Variants in TUSC3 observed in about 807,000 individuals in gnomAD.
TUSC3 encodes tumor suppressor candidate 3, also known as dolichyl-diphosphooligosaccharide--protein glycosyltransferase subunit TUSC3.
A neutral mutation model predicts 44.8 loss-of-function variants in TUSC3; 45 were observed. The ratio of observed to expected loss-of-function variants is 1.00; its 90% CI spans 0.79 to 1.29. The LOEUF (loss-of-function observed/expected upper bound fraction) is 1.29, where lower values mean the gene tolerates loss of function less well. TUSC3 is among the 50% of genes most tolerant of loss of function. The probability of loss-of-function intolerance (pLI) is 0.00; values close to 1 mark genes in which losing one functional copy is unlikely to be tolerated. For missense variants in TUSC3, 519 were observed against 437.9 expected, an observed-to-expected ratio of 1.19 and a Z score of -1.65; for synonymous variants, 212 against 152.9, an observed-to-expected ratio of 1.39 and a Z score of -2.85.
intron 2 of TUSC3, among the ~76,000 whole-genome samples, chr8:15,642,085 C>T (rs565454909): frequency 3.3e-5 from 5 of 152,256 alleles, no homozygotes; most frequent in Non-Finnish European, 7.4e-5. Context: ...AACATTTCTT[C>T]AGTGTTTAGC....
intron 1 of TUSC3, among the ~76,000 whole-genome samples, chr8:15,603,195 C>T (rs1469945580): frequency 6.6e-6 from 1 of 151,502 alleles, no homozygotes; most frequent in Non-Finnish European, 1.5e-5. Flanking sequence ...AAAGAGAACC[C>T]AATTGAAAAA....
intron 1 of TUSC3, among the ~76,000 whole-genome samples, chr8:15,455,830 T>C (rs1800250145): frequency 6.6e-6 from 1 of 152,186 alleles, no homozygotes; most frequent in South Asian, 2.1e-4. Flanking sequence ...AACTCAGCCA[T>C]TTTCATAAAG....
At chr8:15,839,442 C>T in the TUSC3 span, among the ~76,000 whole-genome samples, 82 of 151,870 alleles carry the variant, frequency 5.4e-4, no homozygotes, top group East Asian at 0.014. Flanking sequence ...ACAGGCAACC[C>T]ACAGAATGGG....
chr8:15,586,745 C>T (rs1365469489), intron 1 of TUSC3, among the ~76,000 whole-genome samples: 6 of 152,154 alleles, frequency 3.9e-5, no homozygotes, highest in Non-Finnish European at 8.8e-5. Context: ...TGTGTGGAGC[C>T]AGGGTTGATA....
In TUSC3 at chr8:15,472,947, C is replaced by T. The variant is rs188470283; in HGVS notation, n.92-10439C>T. On this transcript the variant is annotated intron_variant and non_coding_transcript_variant, in intron 1 of 5. Coordinates refer to the TUSC3 transcript ENST00000503191. ...GTCATTTTACAGCTAAGTAAATAGA[C>T]TCTCAGTGAGGTTATGCACCCTGCC... 5.4e-3 allele frequency among the ~76,000 whole-genome samples: 821 copies of T among 152,256 alleles called. 5 individuals carry two copies. The highest frequency in any genetic ancestry group is 7.8e-3 in the Non-Finnish European group (533 of 68,028).
At chr8:15,540,718 C>G in intron 1 of TUSC3, 150 bp downstream of exon 1, 2 of 1,139,154 alleles carry the variant, frequency 1.8e-6, no homozygotes, top group Non-Finnish European at 2.4e-6. Context: ...GTGGGAGGCC[C>G]TGGGGCGTTT....
At chr8:15,622,191 G>A (rs754345819) in intron 1 of TUSC3, among the ~76,000 whole-genome samples, 2 of 152,104 alleles carry the variant, frequency 1.3e-5, no homozygotes, top group Non-Finnish European at 2.9e-5. Flanking sequence ...AAAATGGCAG[G>A]CAGTTTCTTT....
chr8:15,837,992 G>A, the TUSC3 span, among the ~76,000 whole-genome samples: 1 of 152,174 alleles, frequency 6.6e-6, no homozygotes, highest in Admixed American at 6.6e-5. Context: ...CTGCAATCAT[G>A]ACTTACTATT....
intron 2 of TUSC3, among the ~76,000 whole-genome samples, chr8:15,649,892 A>G (rs1047180170): frequency 1.3e-5 from 2 of 152,188 alleles, no homozygotes; most frequent in Admixed American, 1.3e-4. Context: ...ACAGTCAACC[A>G]TACTGAAGAA....
intron 1 of TUSC3, among the ~76,000 whole-genome samples, chr8:15,455,519 A>G (rs1053851536): frequency 6.6e-6 from 1 of 152,204 alleles, no homozygotes; most frequent in African/African-American, 2.4e-5. Context: ...ATGTGTATAT[A>G]CATAACATAC....
intron 1 of TUSC3, among the ~76,000 whole-genome samples, chr8:15,458,910 G>C (rs1174155767): frequency 6.6e-6 from 1 of 152,122 alleles, no homozygotes; most frequent in Non-Finnish European, 1.5e-5. Context: ...CTTTTGAAAG[G>C]CCATTCTAAA....
In TUSC3 at chr8:15,746,515, C is replaced by T. The variant is rs990287966; in HGVS notation, c.938-1860C>T. On this transcript the variant is annotated intron_variant, in intron 8 of 10. Coordinates refer to ENST00000503731, the MANE Select transcript of TUSC3 (RefSeq NM_006765.4). ...CAGGTGTAGTATCTCATGTGGCTGC[C>T]GTGGTTCCTTTAATAATTATTAACC... 5.4e-5 allele frequency among the ~76,000 whole-genome samples: 8 copies of T among 149,162 alleles called. No homozygotes were observed. In the East Asian group the frequency reaches 1.0e-3, roughly 19 times the overall value.
intron 5 of TUSC3, among the ~76,000 whole-genome samples, chr8:15,662,630 A>G (rs182369166): frequency 3.9e-5 from 6 of 152,100 alleles, no homozygotes; most frequent in Non-Finnish European, 7.4e-5. Context: ...CTATTTCTGA[A>G]TTTCTCATTC....
At chr8:15,561,990 G>C (rs1802491478) in intron 1 of TUSC3, among the ~76,000 whole-genome samples, 1 of 152,164 alleles carries the variant, frequency 6.6e-6, no homozygotes, top group African/African-American at 2.4e-5. Context: ...GGGAGCTGTA[G>C]ACAGGAGCTG....
intron 1 of TUSC3, among the ~76,000 whole-genome samples, chr8:15,545,959 C>G (rs882695): frequency 0.051 from 7,689 of 151,758 alleles, 602 homozygotes; most frequent in African/African-American, 0.17. Context: ...AATTGCTCAT[C>G]TCCATAAGAA....
At chr8:15,771,826 C>T in the TUSC3 span, among the ~76,000 whole-genome samples, 7 of 152,092 alleles carry the variant, frequency 4.6e-5, no homozygotes, top group African/African-American at 9.7e-5. Context: ...CGGTGGCTCA[C>T]GCCTGTAATC....
At chr8:15,626,453 C>T (rs778712557) in intron 2 of TUSC3, among the ~76,000 whole-genome samples, 4 of 152,208 alleles carry the variant, frequency 2.6e-5, no homozygotes, top group African/African-American at 7.2e-5. Flanking sequence ...CCTACCCTGC[C>T]GAGCATGGTT....
At chr8:15,523,664 ATGTGTGTGTGTGTGTGTGTGTGTGTG>A (rs869090876) in intron 2 of TUSC3, among the ~76,000 whole-genome samples, 3 of 42,522 alleles carry the variant, frequency 7.1e-5, no homozygotes, top group African/African-American at 2.6e-4. Context: ...ATATATATAT[ATGTGTGTGTGTGTGTGTGTGTGTGTG>A]TGTGTGTGTG....
At chr8:15,513,115 A>G (rs1034921876) in intron 2 of TUSC3, among the ~76,000 whole-genome samples, 1 of 151,600 alleles carries the variant, frequency 6.6e-6, no homozygotes, top group African/African-American at 2.4e-5. Flanking sequence ...AGCCACCTAA[A>G]CAGTAAATGA....
Sources: gnomAD v4.1 joint callset for allele counts (sites outside exome capture counted in the v4.1 genomes callset) on GRCh38, gnomAD v4.1.1 for gene constraint, MANE v1.5 for transcripts, NCBI Gene and HGNC (gene_info 2026-07-23, HGNC 2026-07-21) for gene names.